Variants in PPFIA1 observed in about 807,000 individuals in gnomAD.
PPFIA1 encodes the protein liprin-alpha-1.
Under a neutral mutation model 149.9 loss-of-function variants are expected in PPFIA1, and 25 were observed. The observed-to-expected ratio is 0.17, with a 90% CI of 0.12 to 0.23. The LOEUF is 0.23. PPFIA1 is among the 10% of genes least tolerant of loss of function. PPFIA1 has a pLI of 1.00. For missense variants in PPFIA1, 1,362 were observed against 1,506.5 expected, an observed-to-expected ratio of 0.90 and a Z score of 1.59; for synonymous variants, 549 against 552.8, an observed-to-expected ratio of 0.99 and a Z score of 0.10.
At chr11:70,281,521 TGTTGG>T (rs1433568561) in intron 2 of PPFIA1, among the ~76,000 whole-genome samples, 7 of 152,154 alleles carry the variant, frequency 4.6e-5, no homozygotes, top group African/African-American at 1.7e-4. Context: ...GTTTGCAGAG[TGTTGG>T]GCTCATTTCC....
intron 16 of PPFIA1, chr11:70,354,078 G>C (rs1306922462): frequency 2.0e-6 from 1 of 497,636 alleles, no homozygotes; most frequent in African/African-American, 1.9e-5. Flanking sequence ...CCTGTGTCCT[G>C]TTGGGCCCCA....
At chr11:70,365,639 CTCTG>C in intron 21 of PPFIA1, 1 of 356,254 alleles carries the variant, frequency 2.8e-6, no homozygotes. Context: ...AGTTGGTAGA[CTCTG>C]TCTTTTAGAA....
At chr11:70,314,921 A>G (rs993926730) in intron 2 of PPFIA1, among the ~76,000 whole-genome samples, 11 of 152,200 alleles carry the variant, frequency 7.2e-5, no homozygotes, top group African/African-American at 2.4e-4. Flanking sequence ...TCACAGGGGA[A>G]GGCAAAGGAG....
chr11:70,329,993 C>T (rs1219351515), intron 7 of PPFIA1, 180 bp from the exon 8 acceptor site: 10 of 537,140 alleles, frequency 1.9e-5, no homozygotes, highest in South Asian at 5.5e-5. Context: ...GCCATCCTCC[C>T]GCCTTAGCCT....
At chr11:70,323,644 A>T (rs2136766021) in intron 2 of PPFIA1, among the ~76,000 whole-genome samples, 1 of 152,308 alleles carries the variant, frequency 6.6e-6, no homozygotes, top group East Asian at 1.9e-4. Flanking sequence ...TTTCTTACTG[A>T]ATTTTCAGTT....
intron 2 of PPFIA1, chr11:70,284,049 C>T (rs755275552): frequency 3.8e-6 from 2 of 523,110 alleles, no homozygotes; most frequent in South Asian, 2.9e-5. Context: ...TTGCTTCAAC[C>T]TAATATGATG....
intron 2 of PPFIA1, among the ~76,000 whole-genome samples, chr11:70,294,059 C>T (rs1487892355): frequency 6.6e-6 from 1 of 151,422 alleles, no homozygotes; most frequent in Non-Finnish European, 1.5e-5. Context: ...ATCTCAGCCT[C>T]TCGAGTAGCT....
Position 70,350,765 on chromosome 11 carries a change from G to A in PPFIA1, c.2163+2345G>A, listed in dbSNP as rs533912045. Among the ~76,000 whole-genome samples, 11 of 152,184 alleles carry A rather than the reference G, an allele frequency of 7.2e-5. No homozygotes were observed. The South Asian group carries it at 1.7e-3, about 23-fold the overall frequency. On this transcript the variant is annotated intron_variant, in intron 16 of 27. Coordinates refer to ENST00000253925, the MANE Select transcript of PPFIA1 (RefSeq NM_003626.5). The stretch of plus-strand genomic sequence containing the variant: ...ATATTTTAATAAAACACATGAAATA[G>A]AATTTTATCTAAGTAATAATTTATA...
At chr11:70,279,798 A>G (rs2050635912) in intron 2 of PPFIA1, among the ~76,000 whole-genome samples, 2 of 146,152 alleles carry the variant, frequency 1.4e-5, no homozygotes, top group Admixed American at 1.4e-4. Context: ...TCTGTTGCCC[A>G]GGGTGGTCTT....
intron 2 of PPFIA1, among the ~76,000 whole-genome samples, chr11:70,294,705 C>G (rs2136245314): frequency 6.6e-6 from 1 of 151,976 alleles, no homozygotes; most frequent in East Asian, 1.9e-4. Context: ...CTGTGGCCTT[C>G]CGCAGTGTTT....
intron 11 of PPFIA1, among the ~76,000 whole-genome samples, chr11:70,336,994 G>T (rs2055019421): frequency 6.6e-6 from 1 of 152,228 alleles, no homozygotes; most frequent in Non-Finnish European, 1.5e-5. Flanking sequence ...CCTTAATGGA[G>T]CAGTGTTTTT....
chr11:70,281,965 A>G (rs2050784837), intron 2 of PPFIA1, among the ~76,000 whole-genome samples: 1 of 151,998 alleles, frequency 6.6e-6, no homozygotes. Flanking sequence ...GTCTGGAGAC[A>G]TTGGTTATCA....
chr11:70,381,884 C>T (rs766831680), intron 26 of PPFIA1, among the ~76,000 whole-genome samples: 1 of 152,022 alleles, frequency 6.6e-6, no homozygotes, highest in Non-Finnish European at 1.5e-5. Flanking sequence ...TCTCCCGGGG[C>T]TCTTTGGGAG....
At chr11:70,336,505 CAAAA>C (rs10640266) in intron 11 of PPFIA1, among the ~76,000 whole-genome samples, 4 of 123,188 alleles carry the variant, frequency 3.2e-5, no homozygotes, top group Non-Finnish European at 7.2e-5. Flanking sequence ...GATCCTGTTT[CAAAA>C]AAAAAAAAAA....
chr11:70,317,430 G>A (rs2053701282), intron 2 of PPFIA1, among the ~76,000 whole-genome samples: 1 of 152,096 alleles, frequency 6.6e-6, no homozygotes, highest in Non-Finnish European at 1.5e-5. Flanking sequence ...TTCTTTAAGT[G>A]GAGTAATCAT....
intron 2 of PPFIA1, among the ~76,000 whole-genome samples, chr11:70,286,984 T>TACACACACACACAC (rs57213147): frequency 6.8e-6 from 1 of 148,024 alleles, no homozygotes; most frequent in African/African-American, 2.5e-5. Flanking sequence ...TATATGCACA[T>TACACACACACACAC]ACACACACAC....
At chr11:70,285,465 A>G (rs2051046124) in intron 2 of PPFIA1, among the ~76,000 whole-genome samples, 1 of 151,744 alleles carries the variant, frequency 6.6e-6, no homozygotes, top group South Asian at 2.1e-4. Flanking sequence ...GCAGATCACG[A>G]GGTCAGGAGT....
At chr11:70,304,851 T>C (rs1010325728) in intron 2 of PPFIA1, among the ~76,000 whole-genome samples, 2 of 152,116 alleles carry the variant, frequency 1.3e-5, no homozygotes, top group Non-Finnish European at 2.9e-5. Context: ...ACACTTTGAT[T>C]TTTCCTATCC....
chr11:70,289,002 C>T (rs1056746868), intron 2 of PPFIA1, among the ~76,000 whole-genome samples: 2 of 143,856 alleles, frequency 1.4e-5, no homozygotes, highest in Non-Finnish European at 1.5e-5. Context: ...GAGTCTTGCT[C>T]TGTCGCCCAG....
Sources: gnomAD v4.1 joint callset for allele counts (sites outside exome capture counted in the v4.1 genomes callset) on GRCh38, gnomAD v4.1.1 for gene constraint, MANE v1.5 for transcripts, NCBI Gene and HGNC (gene_info 2026-07-23, HGNC 2026-07-21) for gene names.